The following MED25 variants were observed in gnomAD, a reference collection of about 807,000 sequenced individuals.
MED25 encodes mediator of RNA polymerase II transcription subunit 25.
A neutral mutation model predicts 89.4 loss-of-function variants in MED25; 62 were observed. The ratio of observed to expected loss-of-function variants is 0.69; its 90% CI spans 0.57 to 0.86. The LOEUF (loss-of-function observed/expected upper bound fraction) is 0.86, where lower values mean the gene tolerates loss of function less well. MED25 is among the 40% of genes least tolerant of loss of function. The probability of loss-of-function intolerance (pLI) is 0.00; values close to 1 mark genes in which losing one functional copy is unlikely to be tolerated. For missense variants in MED25, 905 were observed against 1,005.2 expected (o/e 0.90, Z 1.35); for synonymous variants, 449 against 427.9 (o/e 1.05, Z -0.61).
chr19:49,836,226 C>A lies in MED25; in HGVS notation c.1966C>A (p.Pro656Thr), dbSNP rs199761611. 1.3e-4 allele frequency: 211 copies of A among 1,611,932 alleles called. No individual in the cohort carries two copies. Among genetic ancestry groups the A allele is most frequent in the Non-Finnish European group, 1.7e-4 (203 of 1,179,732 alleles). ...TGAGCCACTCTCTGTGTTCTCCCAG[C>A]CGCAGACTGGGGTGCCCCCACCCCA... ...LRSLLLNPPP[P>T]QTGVPPPQAS... The change falls in exon 17 of 18, where the codon CCG becomes ACG. Residue 656 changes from proline (P) to threonine (T), a missense_variant and splice_region_variant. Around this residue, in one of 3 missense-constraint regions of MED25, gnomAD observed 271 missense variants for 258.1 expected, o/e 1.05. Coordinates refer to ENST00000312865, the MANE Select transcript of MED25 (RefSeq NM_030973.4). The surrounding 1 kb of genome is among the most constrained non-coding windows in gnomAD (Gnocchi z 5.1).
At position 49,836,936 on chromosome 19, in the gene MED25, C is replaced by T. The variant is rs1356496852; in HGVS notation, c.2236C>T (p.Leu746Phe). The change falls in exon 18 of 18, where the codon CTC (leucine) becomes TTC (phenylalanine). Residue 746 changes from leucine (L) to phenylalanine (F), a missense_variant. This residue lies in a region of MED25 where 271 missense variants were observed against 258.1 expected (regional missense o/e 1.05). Coordinates refer to ENST00000312865, the MANE Select transcript of MED25 (RefSeq NM_030973.4). The surrounding 1 kb of genome is among the most constrained non-coding windows in gnomAD (Gnocchi z 5.1). ...CATGGAGGACGACATCCTCATGGAT[C>T]TCATCTGAATCCCCAACACCCAATA... ...SVMEDDILMDLI is the reference protein window; with the variant it reads ...SVMEDDILMDFI The T allele has an allele frequency of 6.2e-7, 1 of 1,612,628 alleles. No homozygotes were observed.
rs775213009 is a variant in MED25 at position 49,834,949 on chromosome 19, G to A, written c.1483-37G>A. The A allele has an allele frequency of 6.2e-7, 1 of 1,610,888 alleles. No homozygotes were observed. The highest frequency in any genetic ancestry group is 8.5e-7 in the Non-Finnish European group (1 of 1,178,084). On this transcript the variant is annotated intron_variant, in intron 13 of 17. Coordinates refer to ENST00000312865, the MANE Select transcript of MED25 (RefSeq NM_030973.4). The surrounding 1 kb of genome is among the most constrained non-coding windows in gnomAD (Gnocchi z 4.1). ...GAGGGGGTCAGGGCTGCCTCTTTCA[G>A]GGCCTGAATGGTTCTGAAGAGCTGT...
rs538081565 is a variant in MED25 at position 49,836,454 on chromosome 19, A to G, written c.2146+48A>G. ...AGAGGTCTGGACTGAGTGTCCCAGC[A>G]GCTCCTGGGCTAGAGCACCAAGACC... On this transcript the variant is annotated intron_variant, in intron 17 of 17. Coordinates refer to ENST00000312865, the MANE Select transcript of MED25 (RefSeq NM_030973.4). This position sits in a 1 kb window ranked among gnomAD's most constrained non-coding sequence, Gnocchi z 5.1. 2.6e-6 allele frequency: 4 copies of G among 1,549,774 alleles called. No individual in the cohort carries two copies. The South Asian group carries it at 3.5e-5, about 14-fold the overall frequency.
intron 3 of MED25, among the ~76,000 whole-genome samples, chr19:49,824,201 A>T (rs1161665767): frequency 6.6e-6 from 1 of 152,086 alleles, no homozygotes; most frequent in Admixed American, 6.6e-5. Flanking sequence ...AGCCTTCCAG[A>T]CCCAGCTCAG....
At position 49,836,540 on chromosome 19, in the gene MED25, C is replaced by G. The variant is rs1482280643; in HGVS notation, c.2146+134C>G. On this transcript the variant is annotated intron_variant, in intron 17 of 17. Transcript: ENST00000312865. This position sits in a 1 kb window ranked among gnomAD's most constrained non-coding sequence, Gnocchi z 5.1. ...AATGAGGGTTCCCCCATGGCCTTTGCGGAGCTCTGAGGGCTCCGGGAAAGT... is the reference window on the plus strand; with the variant it reads ...AATGAGGGTTCCCCCATGGCCTTTGGGGAGCTCTGAGGGCTCCGGGAAAGT... The G allele has an allele frequency of 2.2e-5, 26 of 1,172,140 alleles. No homozygotes were observed. Among genetic ancestry groups the G allele is most frequent in the Non-Finnish European group, 3.0e-5 (24 of 802,480 alleles). 72.6% of individuals were successfully genotyped at this position (1,172,140 alleles called of 1,614,324 possible).
In MED25 at chr19:49,829,167, C is replaced by G; in HGVS notation, c.525+77C>G. The G allele has an allele frequency of 2.2e-6, 3 of 1,336,832 alleles. No homozygotes were observed. The highest frequency in any genetic ancestry group is 3.2e-6 in the Non-Finnish European group (3 of 951,282). The allele number at this position is 1,336,832 out of a possible 1,614,324, so 82.8% of individuals were successfully genotyped here. ...GTCTGAGGCAGGAGGCACTGAGGGC[C>G]TGGACTCCTGGGTCTGAGGGAGGAG... On this transcript the variant is annotated intron_variant, in intron 5 of 17. Coordinates refer to ENST00000312865, the MANE Select transcript of MED25 (RefSeq NM_030973.4). This position sits in a 1 kb window ranked among gnomAD's most constrained non-coding sequence, Gnocchi z 4.6.
intron 2 of MED25, 88 bp downstream of exon 2, chr19:49,818,704 G>C (rs2073957541): frequency 7.8e-7 from 1 of 1,284,000 alleles, no homozygotes; most frequent in South Asian, 1.2e-5. Flanking sequence ...GCTGGGCCTG[G>C]ACTCCTGAGT....
At chr19:49,819,136 G>A (rs1234769626) in intron 2 of MED25, 36 bp from the exon 3 acceptor site, 2 of 1,613,534 alleles carry the variant, frequency 1.2e-6, no homozygotes. Context: ...GGGAATTGAG[G>A]TCCCAGATTA....
rs1233265836 is a variant in MED25 at position 49,835,094 on chromosome 19, A to G, written c.1591A>G (p.Ser531Gly). ...IFMGLIPYDQ[S>G]GFVNGIRQVI... Reference sequence around the variant, plus strand: ...CATGGGCCTCATCCCCTACGACCAGAGCGGCTTCGTCAACGGCATCCGGCA... The same window carrying G: ...CATGGGCCTCATCCCCTACGACCAGGGCGGCTTCGTCAACGGCATCCGGCA... Residue 531 changes from serine to glycine, a missense_variant, in exon 14 of 18, where the codon AGC (serine) becomes GGC (glycine). By Grantham distance (56) the Ser-to-Gly change is moderately conservative. Around this residue, in one of 3 missense-constraint regions of MED25, gnomAD observed 133 missense variants for 220.2 expected, o/e 0.60. Coordinates refer to ENST00000312865, the MANE Select transcript of MED25 (RefSeq NM_030973.4). The surrounding 1 kb of genome is among the most constrained non-coding windows in gnomAD (Gnocchi z 6.2). The G allele has an allele frequency of 6.2e-7, 1 of 1,614,030 alleles. No individual in the cohort carries two copies.
rs2074052432 is a variant in MED25, at chr19:49,830,951, G to C, written c.1101+64G>C. The C allele has an allele frequency of 3.3e-6, 5 of 1,518,154 alleles. No homozygotes were observed. The highest frequency in any genetic ancestry group is 2.2e-5 in the East Asian group (1 of 44,602). The allele number at this position is 1,518,154 out of a possible 1,614,324, so 94.0% of individuals were successfully genotyped here. On this transcript the variant is annotated intron_variant, in intron 9 of 17. Coordinates refer to ENST00000312865, the MANE Select transcript of MED25 (RefSeq NM_030973.4). This position sits in a 1 kb window ranked among gnomAD's most constrained non-coding sequence, Gnocchi z 4.6. Reference sequence around the variant, plus strand: ...CTGCTGTCCACAGCTAGGACAGTTAGAGGATGAGTCATTTGCCTTCCAGGG... The same window carrying C: ...CTGCTGTCCACAGCTAGGACAGTTACAGGATGAGTCATTTGCCTTCCAGGG...
At chr19:49,818,985 G>T (rs1600312585) in intron 2 of MED25, 187 bp from the exon 3 acceptor site, 1 of 723,790 alleles carries the variant, frequency 1.4e-6, no homozygotes, top group East Asian at 2.7e-5. Context: ...AGGGAGGAGG[G>T]GCCGGGGGCC....
rs1251159476 is a variant in MED25 at position 49,830,925 on chromosome 19, C to T, written c.1101+38C>T. 1 of 1,587,370 alleles carries T rather than the reference C, an allele frequency of 6.3e-7. No homozygotes were observed. Among genetic ancestry groups the T allele is most frequent in the Non-Finnish European group, 8.6e-7 (1 of 1,165,900 alleles). On this transcript the variant is annotated intron_variant, in intron 9 of 17. Transcript: ENST00000312865. The surrounding 1 kb of genome is among the most constrained non-coding windows in gnomAD (Gnocchi z 4.6). ...ACGCCTCCTGCCCCTGCTCCTTCCT[C>T]CTGCTGTCCACAGCTAGGACAGTTA...
Position 49,834,340 on chromosome 19 carries a change from G to A in MED25, c.1483-646G>A. On this transcript the variant is annotated intron_variant, in intron 13 of 17. Transcript: ENST00000312865. The surrounding 1 kb of genome is among the most constrained non-coding windows in gnomAD (Gnocchi z 4.1). ...AGGCAGGAAACCGAGGCTCAGAGAAGTCAATTCACTTGGCCAAGGTCAGCC... is the reference window on the plus strand; with the variant it reads ...AGGCAGGAAACCGAGGCTCAGAGAAATCAATTCACTTGGCCAAGGTCAGCC... The A allele has an allele frequency of 6.3e-6, 1 of 158,578 alleles. No homozygotes were observed. Among genetic ancestry groups the A allele is most frequent in the Admixed American group, 5.9e-5 (1 of 17,042 alleles). The allele number at this position is 158,578 out of a possible 1,614,324, so 9.8% of individuals were successfully genotyped here.
At position 49,835,019 on chromosome 19, in the gene MED25, T is replaced by C; in HGVS notation, c.1516T>C (p.Cys506Arg). ...CGTGCACTTCCCCCACACGGCGCCC[T>C]GTGAGGTGCGCGTGCTCATGCTCCT... ...GCVHFPHTAP[C>R]EVRVLMLLYS... Residue 506 changes from cysteine (C) to arginine (R), a missense_variant, in exon 14 of 18, where the codon TGT (cysteine) becomes CGT (arginine). Coordinates refer to ENST00000312865, the MANE Select transcript of MED25 (RefSeq NM_030973.4). The surrounding 1 kb of genome is among the most constrained non-coding windows in gnomAD (Gnocchi z 6.2). 4 of 1,614,060 alleles carry C rather than the reference T, an allele frequency of 2.5e-6. No individual in the cohort carries two copies. Among genetic ancestry groups the C allele is most frequent in the Non-Finnish European group, 3.4e-6 (4 of 1,179,976 alleles).
chr19:49,826,369 A>G (rs2074015560), intron 3 of MED25, among the ~76,000 whole-genome samples: 1 of 152,208 alleles, frequency 6.6e-6, no homozygotes, highest in South Asian at 2.1e-4. Flanking sequence ...ATGGCTAGGA[A>G]GAGGAGGGCT....
chr19:49,819,057 G>T, intron 2 of MED25, 115 bp from the exon 3 acceptor site: 1 of 1,294,334 alleles, frequency 7.7e-7, no homozygotes, highest in Non-Finnish European at 1.1e-6. Context: ...GAGGAAGGAG[G>T]AAGCTGAGGA....
Position 49,829,713 on chromosome 19 carries a change from T to C in MED25, c.526-73T>C. On this transcript the variant is annotated intron_variant, in intron 5 of 17. Coordinates refer to ENST00000312865, the MANE Select transcript of MED25 (RefSeq NM_030973.4). This position sits in a 1 kb window ranked among gnomAD's most constrained non-coding sequence, Gnocchi z 4.6. The stretch of plus-strand genomic sequence containing the variant: ...GTGCCGTCCAGCCACACAGCAGTTG[T>C]GGTAGGTTGGGGGCCGGCCCCAACA... The C allele has an allele frequency of 6.8e-7, 1 of 1,476,978 alleles. No individual in the cohort carries two copies. 91.5% of individuals were successfully genotyped at this position (1,476,978 alleles called of 1,614,324 possible). A position where few individuals can be genotyped will look rare whatever the true frequency, so the allele number is the denominator to read the frequency against.
rs2074036400 is a variant in MED25 at position 49,829,262 on chromosome 19, T to A, written c.525+172T>A. Among the ~76,000 whole-genome samples the A allele has an allele frequency of 6.6e-6, 1 of 151,938 alleles. No homozygotes were observed. The highest frequency in any genetic ancestry group is 1.5e-5 in the Non-Finnish European group (1 of 67,910). ...GGGCCTGGACTCAGACACAGAATAG[T>A]CACAGACTGGTGACCAGCTTTGCTT... On this transcript the variant is annotated intron_variant, in intron 5 of 17. Transcript: ENST00000312865. This position sits in a 1 kb window ranked among gnomAD's most constrained non-coding sequence, Gnocchi z 4.6.
At chr19:49,819,652 G>C (rs1226565023) in intron 3 of MED25, 1 of 353,490 alleles carries the variant, frequency 2.8e-6, no homozygotes, top group Non-Finnish European at 5.5e-6. Flanking sequence ...TTCCCATTCA[G>C]GGAGGCCTGG....
Sources: allele counts gnomAD v4.1 joint callset (sites outside exome capture counted in the v4.1 genomes callset), GRCh38; gene constraint gnomAD v4.1.1; regional missense constraint gnomAD v4.1.1; non-coding constraint Gnocchi (gnomAD v3.1); transcripts MANE v1.5; gene names NCBI Gene and HGNC (gene_info 2026-07-23, HGNC 2026-07-21).